Variants in HIBCH observed in about 807,000 individuals in gnomAD.
HIBCH encodes 3-hydroxyisobutyryl-CoA hydrolase, mitochondrial.
In HIBCH, 50 loss-of-function variants were observed where a neutral mutation model predicts 58.2. The observed-to-expected ratio is 0.86, with a 90% CI of 0.68 to 1.09. HIBCH has a LOEUF of 1.09. HIBCH is among the 50% of genes least tolerant of loss of function. The pLI, the probability that HIBCH is intolerant of heterozygous loss-of-function variation, is 0.00. For missense variants in HIBCH, 450 were observed against 449.7 expected, an observed-to-expected ratio of 1.00 and a Z score of -0.01; for synonymous variants, 151 against 146.9, an observed-to-expected ratio of 1.03 and a Z score of -0.20.
In HIBCH at chr2:190,319,817, A is replaced by G. The variant is rs950639274; in HGVS notation, c.-67T>C. 2.5e-6 allele frequency: 4 copies of G among 1,572,250 alleles called. No homozygotes were observed. The highest frequency in any genetic ancestry group is 1.8e-5 in the Admixed American group (1 of 54,376). ...CCGGACCGTTCCAGCGCCTCGCGTG[A>G]GCCCCGCCCACCGCCGTCCTGCGCC... is the stretch of plus-strand genomic sequence containing the variant. On this transcript the variant is annotated 5_prime_UTR_variant, in exon 1 of 14. Transcript: ENST00000359678.
Position 190,215,226 on chromosome 2 carries a change from G to T in HIBCH, c.892-2151C>A, listed in dbSNP as rs1575697445. 1.3e-5 allele frequency: 2 copies of T among 152,252 alleles called. No individual in the cohort carries two copies. Among genetic ancestry groups the T allele is most frequent in the African/African-American group, 4.8e-5 (2 of 41,536 alleles). 9.4% of individuals were successfully genotyped at this position (152,252 alleles called of 1,614,324 possible). A position where few individuals can be genotyped will look rare whatever the true frequency, so the allele number is the denominator to read the frequency against. On this transcript the variant is annotated intron_variant, in intron 11 of 13. Transcript: ENST00000359678. This position sits in a 1 kb window ranked among gnomAD's most constrained non-coding sequence, Gnocchi z 4.4. ...ATTGTGTTTACTGGGGAAGAGAGGG[G>T]AATAATTATAAGGGCAGCCATAACC...
At chr2:190,201,651 CATT>C (rs572701649), downstream of HIBCH, 1 of 167,136 alleles carries the variant, frequency 6.0e-6, no homozygotes, top group African/African-American at 2.4e-5. Flanking sequence ...GCAAGGAAAA[CATT>C]ATTTGAAATA....
At chr2:190,258,496 GTT>G (rs1230136830) in intron 7 of HIBCH, among the ~76,000 whole-genome samples, 3 of 152,146 alleles carry the variant, frequency 2.0e-5, no homozygotes, top group Admixed American at 6.5e-5. Flanking sequence ...TCTGCTAATT[GTT>G]TTCTTTGCTG....
rs1211878991 is a variant in HIBCH, at chr2:190,207,368, A to G, written c.1045+1512T>C. On this transcript the variant is annotated intron_variant, in intron 13 of 13. Transcript: ENST00000359678. This position sits in a 1 kb window ranked among gnomAD's most constrained non-coding sequence, Gnocchi z 4.5. ...TAATCCACATGCAGCAAGAATTTGC[A>G]GAGAATTTGTGAGGAAAATGCCTAT... Among the ~76,000 whole-genome samples, 1 of 152,202 alleles carries G rather than the reference A, an allele frequency of 6.6e-6. No individual in the cohort carries two copies. The highest frequency in any genetic ancestry group is 1.5e-5 in the Non-Finnish European group (1 of 68,032).
chr2:190,208,982 C>G (rs1690458266), intron 12 of HIBCH, 69 bp from the exon 13 acceptor site: 1 of 1,385,946 alleles, frequency 7.2e-7, no homozygotes, highest in African/African-American at 1.4e-5. Flanking sequence ...TTTCTCTCTC[C>G]TCTATTCACT....
chr2:190,208,805 G>A (rs570758814), intron 13 of HIBCH, 75 bp downstream of exon 13: 14 of 1,317,150 alleles, frequency 1.1e-5, no homozygotes, highest in African/African-American at 1.4e-5. Flanking sequence ...TGCATAATCT[G>A]TATCTTCTTT....
intron 4 of HIBCH, among the ~76,000 whole-genome samples, chr2:190,294,018 G>GTA (rs1282515390): frequency 1.6e-3 from 63 of 39,972 alleles, no homozygotes; most frequent in African/African-American, 6.1e-3. Context: ...TATATATTTT[G>GTA]TGTGTATATA....
intron 9 of HIBCH, among the ~76,000 whole-genome samples, chr2:190,246,658 T>G (rs1213769105): frequency 6.6e-6 from 1 of 152,118 alleles, no homozygotes; most frequent in Non-Finnish European, 1.5e-5. Flanking sequence ...ACTGAATAAT[T>G]AGGTTTCTGT....
Position 190,246,200 on chromosome 2 carries a change from G to T in HIBCH, c.763C>A (p.Arg255=). Residue 255 remains arginine, a synonymous_variant, in exon 10 of 14, where the codon CGA becomes AGA. Transcript: ENST00000359678. ...ENYHTESKID[R]DKSFILEEHM... ...TCCTCAAGTATAAAAGACTTGTCTC[G>T]ATCAATCTTAGACTGTTTGAAAAGA... 11 of 1,590,754 alleles carry T rather than the reference G, an allele frequency of 6.9e-6. No homozygotes were observed. Among genetic ancestry groups the T allele is most frequent in the Non-Finnish European group, 8.6e-6 (10 of 1,160,288 alleles).
chr2:190,249,224 C>T (rs1229559270), intron 9 of HIBCH, among the ~76,000 whole-genome samples: 1 of 152,142 alleles, frequency 6.6e-6, no homozygotes, highest in Non-Finnish European at 1.5e-5. Flanking sequence ...AGATTCTTGG[C>T]TCTTATAAGA....
intron 8 of HIBCH, among the ~76,000 whole-genome samples, chr2:190,251,106 G>A (rs772899406): frequency 6.6e-6 from 1 of 151,998 alleles, no homozygotes; most frequent in African/African-American, 2.4e-5. Flanking sequence ...TGAAAAATCC[G>A]GCAACCTCTA....
chr2:190,275,975 TTAAG>T (rs1007135530), intron 6 of HIBCH, among the ~76,000 whole-genome samples: 21 of 152,270 alleles, frequency 1.4e-4, no homozygotes, highest in African/African-American at 4.8e-4. Flanking sequence ...AATGGAAATT[TTAAG>T]TAAGTGAGAT....
rs915329515 is a variant in HIBCH at position 190,210,159 on chromosome 2, ACTT to A, written c.1012-1249_1012-1247del. Among the ~76,000 whole-genome samples, 17 of 152,052 alleles carry A rather than the reference ACTT, an allele frequency of 1.1e-4. No homozygotes were observed. The highest frequency in any genetic ancestry group is 2.9e-5 in the Non-Finnish European group (2 of 68,012). ...GTATTCATCTACACATATTCTCTCC[ACTT>A]CTTCACATCCCATTTTTCCTCTCCA... On this transcript the variant is annotated intron_variant, in intron 12 of 13. Transcript: ENST00000359678. The surrounding 1 kb of genome is among the most constrained non-coding windows in gnomAD (Gnocchi z 5.5).
chr2:190,318,395 C>T (rs1688760372), intron 1 of HIBCH, among the ~76,000 whole-genome samples: 1 of 152,156 alleles, frequency 6.6e-6, no homozygotes. Flanking sequence ...TCAACCATGG[C>T]CCAAGGCCTT....
At chr2:190,218,530 C>T (rs751127911) in intron 11 of HIBCH, among the ~76,000 whole-genome samples, 18 of 152,160 alleles carry the variant, frequency 1.2e-4, no homozygotes, top group East Asian at 5.8e-4. Context: ...GGTCTTACTA[C>T]TTCCTTTAAC....
At chr2:190,251,984 C>T (rs1050593275) in intron 8 of HIBCH, among the ~76,000 whole-genome samples, 178 bp downstream of exon 8, 3 of 151,982 alleles carry the variant, frequency 2.0e-5, no homozygotes, top group African/African-American at 7.3e-5. Flanking sequence ...TATGAGGAAA[C>T]AGAATTAGAG....
chr2:190,292,607 A>T (rs1313871422), intron 4 of HIBCH, among the ~76,000 whole-genome samples: 3 of 152,214 alleles, frequency 2.0e-5, no homozygotes, highest in Admixed American at 6.5e-5. Context: ...CTCTGCACCC[A>T]GTCCTTTTAC....
intron 9 of HIBCH, among the ~76,000 whole-genome samples, chr2:190,248,776 G>A (rs1221391186): frequency 5.9e-5 from 9 of 151,692 alleles, no homozygotes; most frequent in African/African-American, 1.9e-4. Context: ...CACGAGAATC[G>A]CTTGAACCTG....
In HIBCH at chr2:190,246,202, T is replaced by A. The variant is rs548958503; in HGVS notation, c.761A>T (p.Asp254Val). 2.3e-5 allele frequency: 37 copies of A among 1,590,916 alleles called. 1 individual carries two copies. The South Asian group carries it at 4.0e-4, about 17-fold the overall frequency. ...CTCAAGTATAAAAGACTTGTCTCGA[T>A]CAATCTTAGACTGTTTGAAAAGAAA... ...LENYHTESKI[D>V]RDKSFILEEH... Residue 254 changes from aspartate (D) to valine (V), a missense_variant, in exon 10 of 14, where the codon GAT (aspartate) becomes GTT (valine). Physicochemically the swap from Asp to Val is radical, Grantham distance 152. Transcript: ENST00000359678.
Sources: gnomAD v4.1 joint callset for allele counts (sites outside exome capture counted in the v4.1 genomes callset) on GRCh38, gnomAD v4.1.1 for gene constraint, Gnocchi (gnomAD v3.1) non-coding constraint, MANE v1.5 for transcripts, NCBI Gene and HGNC (gene_info 2026-07-23, HGNC 2026-07-21) for gene names.